Variants in VAV3 observed in about 807,000 individuals in gnomAD.
The protein encoded by VAV3 is guanine nucleotide exchange factor VAV3.
VAV3 carries 94 observed loss-of-function variants against 131.2 expected under a neutral mutation model. The observed-to-expected ratio is 0.72, with a 90% CI of 0.61 to 0.85. The LOEUF (loss-of-function observed/expected upper bound fraction) is 0.85, where lower values mean the gene tolerates loss of function less well. Among genes scored for constraint, VAV3 ranks in the 40% least tolerant of loss-of-function variants. The pLI, the probability that VAV3 is intolerant of heterozygous loss-of-function variation, is 0.00. For synonymous variants in VAV3, 349 were observed against 342.0 expected (o/e 1.02, Z -0.22); for missense variants, 939 against 1,002.7 (o/e 0.94, Z 0.86).
At chr1:107,660,529 T>C (rs1035910214) in intron 19 of VAV3, among the ~76,000 whole-genome samples, 4 of 152,218 alleles carry the variant, frequency 2.6e-5, no homozygotes, top group Non-Finnish European at 5.9e-5. Context: ...CCTCCCTGTC[T>C]GACAGACTGA....
chr1:107,748,134 A>C (rs1028340529), intron 15 of VAV3, among the ~76,000 whole-genome samples: 3 of 152,214 alleles, frequency 2.0e-5, no homozygotes, highest in African/African-American at 7.2e-5. Context: ...AGCATTTCTT[A>C]AAACAAAGAA....
chr1:107,915,319 T>G (rs1402344232), intron 1 of VAV3, among the ~76,000 whole-genome samples: 1 of 152,196 alleles, frequency 6.6e-6, no homozygotes, highest in South Asian at 2.1e-4. Context: ...CACATCATAA[T>G]TCCTTGCCCC....
chr1:107,691,882 T>C (rs946834220), intron 17 of VAV3, among the ~76,000 whole-genome samples: 1 of 152,140 alleles, frequency 6.6e-6, no homozygotes, highest in Non-Finnish European at 1.5e-5. Flanking sequence ...AGAGAAACAA[T>C]TTTCATGGAA....
At chr1:107,841,104 T>C (rs935865239) in intron 2 of VAV3, among the ~76,000 whole-genome samples, 1 of 152,212 alleles carries the variant, frequency 6.6e-6, no homozygotes, top group East Asian at 1.9e-4. Flanking sequence ...GGAATGATGA[T>C]GGGAGTTCCA....
At position 107,965,009 on chromosome 1, in the gene VAV3, G is replaced by T; in HGVS notation, c.-140C>A. 1.5e-6 allele frequency: 1 copy of T among 687,592 alleles called. No homozygotes were observed. The allele number at this position is 687,592 out of a possible 1,614,324, so 42.6% of individuals were successfully genotyped here. ...CCCGCGCGGGATCGAGGGAGCAGGAGCCGCGGCTGACGGGTCGCGGGCGCC... is the reference window on the plus strand; with the variant it reads ...CCCGCGCGGGATCGAGGGAGCAGGATCCGCGGCTGACGGGTCGCGGGCGCC... On this transcript the variant is annotated 5_prime_UTR_variant, in exon 1 of 27. Transcript: ENST00000370056.
At position 107,623,187 on chromosome 1, in the gene VAV3, T is replaced by C. The variant is rs1177307112; in HGVS notation, c.1915-5555A>G. 2.6e-5 allele frequency among the ~76,000 whole-genome samples: 4 copies of C among 152,180 alleles called. No homozygotes were observed. In the East Asian group the frequency reaches 7.7e-4, roughly 29 times the overall value. ...GCTTGTTCTATTTCTAGCTCTGCTA[T>C]AAAAAGATGTGCAACCTTTTGCAAG... On this transcript the variant is annotated intron_variant, in intron 20 of 26. Transcript: ENST00000370056.
intron 2 of VAV3, among the ~76,000 whole-genome samples, chr1:107,813,631 A>C (rs1409268968): frequency 8.5e-5 from 13 of 152,166 alleles, no homozygotes; most frequent in Admixed American, 8.5e-4. Context: ...CCTCTCTTCT[A>C]GCTATTTTGA....
At chr1:107,660,381 T>G (rs1390544023) in intron 19 of VAV3, among the ~76,000 whole-genome samples, 1 of 152,220 alleles carries the variant, frequency 6.6e-6, no homozygotes, top group Non-Finnish European at 1.5e-5. Flanking sequence ...TTTTGAGATT[T>G]GGCTCCCTTG....
chr1:107,708,079 G>C (rs1660560035), intron 15 of VAV3, among the ~76,000 whole-genome samples: 2 of 152,122 alleles, frequency 1.3e-5, no homozygotes, highest in African/African-American at 2.4e-5. Context: ...CCTTGGGCAG[G>C]AACAGAAAGA....
At chr1:107,642,235 AC>A (rs935023776) in intron 20 of VAV3, among the ~76,000 whole-genome samples, 4 of 152,104 alleles carry the variant, frequency 2.6e-5, no homozygotes, top group African/African-American at 9.7e-5. Flanking sequence ...TGCTGATAAA[AC>A]AGGTTGCAGT....
intron 2 of VAV3, among the ~76,000 whole-genome samples, chr1:107,811,590 A>G (rs1667319971): frequency 6.6e-6 from 1 of 152,204 alleles, no homozygotes; most frequent in Non-Finnish European, 1.5e-5. Flanking sequence ...ATTTTTCAAA[A>G]GTTATAAGAT....
intron 15 of VAV3, among the ~76,000 whole-genome samples, chr1:107,712,811 A>C (rs1380809579): frequency 6.6e-6 from 1 of 152,228 alleles, no homozygotes; most frequent in Non-Finnish European, 1.5e-5. Flanking sequence ...TTCCACAAAC[A>C]ATCATGAAAC....
intron 15 of VAV3, among the ~76,000 whole-genome samples, chr1:107,733,754 T>A (rs1000548244): frequency 4.6e-5 from 7 of 151,966 alleles, no homozygotes; most frequent in Admixed American, 3.3e-4. Context: ...AAAGACCAAA[T>A]CTAAATTTGA....
In VAV3 at chr1:107,757,307, TC is replaced by T; in HGVS notation, c.1039del (p.Asp347IlefsTer8). ...LLQELVKHTT[D>X]PTEKANLKLA... ...TTTCAGATTTGCCTTCTCAGTCGGATCAGTGGTATGTTTGACCAGTTCCTAT... is the reference window on the plus strand; with the variant it reads ...TTTCAGATTTGCCTTCTCAGTCGGATAGTGGTATGTTTGACCAGTTCCTAT... On this transcript the variant is annotated frameshift_variant, in exon 11 of 27. Transcript: ENST00000370056. LOFTEE classifies it high-confidence loss of function. 1 of 1,613,474 alleles carries T rather than the reference TC, an allele frequency of 6.2e-7. No homozygotes were observed.
chr1:107,624,155 A>C (rs958437215), intron 20 of VAV3, among the ~76,000 whole-genome samples: 18 of 152,142 alleles, frequency 1.2e-4, no homozygotes, highest in Admixed American at 3.3e-4. Context: ...GAGAAAAAAA[A>C]CCCACTAAAA....
intron 2 of VAV3, among the ~76,000 whole-genome samples, chr1:107,847,636 A>G (rs1669030757): frequency 6.6e-6 from 1 of 152,222 alleles, no homozygotes; most frequent in Admixed American, 6.5e-5. Flanking sequence ...AGAATACTAT[A>G]AACACCTCTA....
At chr1:107,943,364 C>T (rs1275107843) in intron 1 of VAV3, among the ~76,000 whole-genome samples, 1 of 152,138 alleles carries the variant, frequency 6.6e-6, no homozygotes, top group Non-Finnish European at 1.5e-5. Flanking sequence ...AGATTAGTCC[C>T]TCCAGGGCCT....
rs1443821998 is a variant in VAV3, at chr1:107,921,306, A to T, written c.204+43360T>A. Among the ~76,000 whole-genome samples the T allele has an allele frequency of 2.0e-5, 3 of 152,296 alleles. No individual in the cohort carries two copies. The East Asian group carries it at 5.8e-4, about 29-fold the overall frequency. On this transcript the variant is annotated intron_variant, in intron 1 of 26. Transcript: ENST00000370056. ...TATCAACACTCTACTCCAGTCTTTA[A>T]ACTGCATCACATACTTTAGTGAAAC...
chr1:107,857,723 G>A (rs1167809210), intron 2 of VAV3, among the ~76,000 whole-genome samples: 1 of 152,134 alleles, frequency 6.6e-6, no homozygotes, highest in Non-Finnish European at 1.5e-5. Flanking sequence ...GAAAGGGGGG[G>A]AAGTTATCGA....
Sources: allele counts gnomAD v4.1 joint callset (sites outside exome capture counted in the v4.1 genomes callset), GRCh38; gene constraint gnomAD v4.1.1; transcripts MANE v1.5; gene names NCBI Gene and HGNC (gene_info 2026-07-23, HGNC 2026-07-21).